The following CDK14 variants were observed in gnomAD, a reference collection of about 807,000 sequenced individuals.
The protein encoded by CDK14 is cyclin-dependent kinase 14.
CDK14 carries 34 observed loss-of-function variants against 60.7 expected under a neutral mutation model. That is an observed-to-expected ratio of 0.56 (90% CI 0.43 to 0.75). CDK14 has a LOEUF of 0.75. CDK14 is among the 30% of genes least tolerant of loss of function. The pLI is 0.00. For missense variants in CDK14, 482 were observed against 564.1 expected (o/e 0.85, Z 1.47); for synonymous variants, 197 against 203.7 (o/e 0.97, Z 0.28).
At chr7:90,735,914 G>A (rs962685136) in intron 3 of CDK14, among the ~76,000 whole-genome samples, 1 of 152,120 alleles carries the variant, frequency 6.6e-6, no homozygotes, top group Non-Finnish European at 1.5e-5. Context: ...CTGCCCAAAC[G>A]GCTGCCCAGT....
chr7:91,168,260 CA>C (rs35827575), intron 14 of CDK14, among the ~76,000 whole-genome samples: 96 of 123,706 alleles, frequency 7.8e-4, no homozygotes, highest in South Asian at 1.1e-3. Context: ...GACTCTGTCT[CA>C]AAAAAAAAAA....
intron 8 of CDK14, among the ~76,000 whole-genome samples, chr7:90,939,714 C>T (rs981212641): frequency 3.3e-5 from 5 of 152,176 alleles, no homozygotes; most frequent in African/African-American, 1.2e-4. Flanking sequence ...AGTTTCCCTT[C>T]AAGGAAGATT....
At chr7:90,598,703 G>GTTTTTTTTTTTTT (rs1563010964) in intron 1 of CDK14, among the ~76,000 whole-genome samples, 2 of 18,618 alleles carry the variant, frequency 1.1e-4, no homozygotes, top group Non-Finnish European at 1.9e-4. Context: ...ATTATCTAAG[G>GTTTTTTTTTTTTT]ATTTTTTTTT....
intron 10 of CDK14, among the ~76,000 whole-genome samples, chr7:91,006,482 T>C (rs1472854400): frequency 6.6e-6 from 1 of 152,236 alleles, no homozygotes; most frequent in South Asian, 2.1e-4. Context: ...TAAATTCATT[T>C]TCTTAATTTG....
intron 2 of CDK14, among the ~76,000 whole-genome samples, chr7:90,661,172 A>G (rs746266975): frequency 2.7e-4 from 41 of 152,228 alleles, no homozygotes; most frequent in Non-Finnish European, 5.3e-4. Flanking sequence ...TCCTGTGGAA[A>G]TTCTTGAGAG....
intron 9 of CDK14, among the ~76,000 whole-genome samples, chr7:90,963,086 A>AGTGTGTGT (rs34662049): frequency 0.012 from 1,645 of 142,146 alleles, 17 homozygotes; most frequent in African/African-American, 0.025. Flanking sequence ...TCATCTTAAG[A>AGTGTGTGT]GTGTGTGTGT....
intron 5 of CDK14, among the ~76,000 whole-genome samples, chr7:90,845,905 G>A (rs1438387970): frequency 6.6e-6 from 1 of 152,054 alleles, no homozygotes; most frequent in Non-Finnish European, 1.5e-5. Context: ...TTAGTTTTAT[G>A]TGAAAGGACA....
At chr7:91,047,106 AG>A (rs1486180485) in intron 11 of CDK14, among the ~76,000 whole-genome samples, 1 of 152,198 alleles carries the variant, frequency 6.6e-6, no homozygotes, top group African/African-American at 2.4e-5. Context: ...TAAGCAACTA[AG>A]AGGCATCCTC....
intron 14 of CDK14, among the ~76,000 whole-genome samples, chr7:91,173,994 T>A (rs895557571): frequency 1.3e-5 from 2 of 152,184 alleles, no homozygotes; most frequent in Non-Finnish European, 2.9e-5. Flanking sequence ...AGGCTCCACC[T>A]CTGGGGGCAG....
At chr7:90,769,072 A>T (rs1804681293) in intron 4 of CDK14, among the ~76,000 whole-genome samples, 1 of 152,238 alleles carries the variant, frequency 6.6e-6, no homozygotes, top group Non-Finnish European at 1.5e-5. Flanking sequence ...TTAGACATTT[A>T]TATTCAATTT....
chr7:90,642,662 G>T lies in CDK14; in HGVS notation c.123+38413G>T, dbSNP rs190779744. Among the ~76,000 whole-genome samples the T allele has an allele frequency of 2.2e-3, 333 of 152,288 alleles. 1 individual carries two copies. The highest frequency in any genetic ancestry group is 7.4e-3 in the African/African-American group (307 of 41,560). On this transcript the variant is annotated intron_variant, in intron 2 of 14. Coordinates refer to ENST00000380050, the MANE Select transcript of CDK14 (RefSeq NM_001287135.2). ...CCCAAAGTGCTGGGATTACAGGCCT[G>T]AGCCACTGTGCCTAGCATGAATTGG...
Position 91,003,534 on chromosome 7 carries a change from A to C in CDK14, c.1041+19293A>C, listed in dbSNP as rs530836109. 7.2e-5 allele frequency among the ~76,000 whole-genome samples: 11 copies of C among 152,324 alleles called. No homozygotes were observed. In the South Asian group the frequency reaches 2.3e-3, roughly 32 times the overall value. The stretch of plus-strand genomic sequence containing the variant: ...CTGGTAGATGGATGGGCTGTGCTGC[A>C]TGAAGTCCTTCAGGTTCCTGGGTTT... On this transcript the variant is annotated intron_variant, in intron 10 of 14. Coordinates refer to ENST00000380050, the MANE Select transcript of CDK14 (RefSeq NM_001287135.2).
At chr7:90,968,805 T>C (rs1046811292) in intron 9 of CDK14, among the ~76,000 whole-genome samples, 14 of 146,378 alleles carry the variant, frequency 9.6e-5, no homozygotes, top group African/African-American at 3.5e-4. Flanking sequence ...ACACACTGGG[T>C]GTGGTTGATG....
At chr7:90,666,227 T>C (rs1192555271) in intron 2 of CDK14, 1 of 152,256 alleles carries the variant, frequency 6.6e-6, no homozygotes, top group Admixed American at 6.5e-5. Context: ...TCTTGTTTTG[T>C]TTCCAGGCCC....
intron 5 of CDK14, among the ~76,000 whole-genome samples, chr7:90,837,051 A>T (rs1039214916): frequency 2.6e-5 from 4 of 152,154 alleles, no homozygotes; most frequent in African/African-American, 9.7e-5. Context: ...AAAGCATGCA[A>T]ATAAAGGGTT....
chr7:91,019,548 C>G (rs1796385705), intron 10 of CDK14, among the ~76,000 whole-genome samples: 1 of 152,154 alleles, frequency 6.6e-6, no homozygotes, highest in African/African-American at 2.4e-5. Flanking sequence ...GCTTTCTTGG[C>G]TATTGAACTT....
chr7:90,842,184 C>T (rs1411530804), intron 5 of CDK14, among the ~76,000 whole-genome samples: 1 of 152,004 alleles, frequency 6.6e-6, no homozygotes, highest in Non-Finnish European at 1.5e-5. Context: ...AATTTAATAC[C>T]TTATTTTATA....
chr7:90,880,039 C>T (rs541924999), intron 6 of CDK14, among the ~76,000 whole-genome samples: 5 of 152,320 alleles, frequency 3.3e-5, no homozygotes, highest in South Asian at 2.1e-4. Flanking sequence ...AGATTCTTAC[C>T]GCCTCTCAGC....
In CDK14 at chr7:91,008,572, C is replaced by A. The variant is rs376295001; in HGVS notation, c.1041+24331C>A. On this transcript the variant is annotated intron_variant, in intron 10 of 14. Transcript: ENST00000380050. ...TGGCAGTAATTTTTTTTTCTTAAAGCCTTTAATATCAGAATCTCAAAAAGA... is the reference window on the plus strand; with the variant it reads ...TGGCAGTAATTTTTTTTTCTTAAAGACTTTAATATCAGAATCTCAAAAAGA... Among the ~76,000 whole-genome samples, 42 of 151,948 alleles carry A rather than the reference C, an allele frequency of 2.8e-4. No homozygotes were observed. In the East Asian group the frequency reaches 3.3e-3, roughly 12 times the overall value.
Sources: gnomAD v4.1 joint callset for allele counts (sites outside exome capture counted in the v4.1 genomes callset) on GRCh38, gnomAD v4.1.1 for gene constraint, MANE v1.5 for transcripts, NCBI Gene and HGNC (gene_info 2026-07-23, HGNC 2026-07-21) for gene names.